Variants in GLRB observed in about 807,000 individuals in gnomAD.
GLRB encodes glycine receptor subunit beta.
GLRB carries 33 observed loss-of-function variants against 54.2 expected under a neutral mutation model. That is an observed-to-expected ratio of 0.61 (90% CI 0.46 to 0.81). The LOEUF (loss-of-function observed/expected upper bound fraction) is 0.81. Ranked by LOEUF, GLRB falls within the 40% of genes least tolerant of loss-of-function variation. The pLI is 0.00. For missense variants in GLRB, 572 were observed against 584.6 expected (o/e 0.98, Z 0.22); for synonymous variants, 209 against 208.2 (o/e 1.00, Z -0.03).
intron 6 of GLRB, among the ~76,000 whole-genome samples, chr4:157,138,091 A>T (rs1736471157): frequency 6.6e-6 from 1 of 152,082 alleles, no homozygotes; most frequent in Admixed American, 6.5e-5. Context: ...TTATTTTTTA[A>T]AACAGAGTCT....
intron 9 of GLRB, among the ~76,000 whole-genome samples, chr4:157,154,257 A>G (rs1345748697): frequency 1.3e-5 from 2 of 152,122 alleles, no homozygotes; most frequent in Non-Finnish European, 1.5e-5. Context: ...TAGACAACAT[A>G]TAGTTGGTGT....
chr4:157,102,006 A>G (rs778273702), intron 2 of GLRB, among the ~76,000 whole-genome samples: 1 of 152,190 alleles, frequency 6.6e-6, no homozygotes, highest in Non-Finnish European at 1.5e-5. Context: ...TTTTCAAGTA[A>G]TAGCTATGCA....
intron 2 of GLRB, among the ~76,000 whole-genome samples, chr4:157,087,399 A>G (rs948181401): frequency 1.3e-5 from 2 of 152,108 alleles, no homozygotes; most frequent in Non-Finnish European, 2.9e-5. Context: ...TCTCATTTGT[A>G]TAGTGAAAAG....
At chr4:157,153,045 C>A (rs1480424055) in intron 9 of GLRB, 35 bp downstream of exon 9, 1 of 1,535,896 alleles carries the variant, frequency 6.5e-7, no homozygotes, top group Non-Finnish European at 9.0e-7. Flanking sequence ...ATCATTTCCC[C>A]CAACCACTTC....
chr4:157,118,861 C>A (rs970547519), intron 2 of GLRB, among the ~76,000 whole-genome samples: 3 of 151,490 alleles, frequency 2.0e-5, no homozygotes, highest in Non-Finnish European at 3.0e-5. Flanking sequence ...TTTACCATAT[C>A]AACACAGAAA....
chr4:157,084,021 G>C (rs1005493875), intron 2 of GLRB, among the ~76,000 whole-genome samples: 1 of 152,056 alleles, frequency 6.6e-6, no homozygotes, highest in African/African-American at 2.4e-5. Flanking sequence ...ATTTATATTT[G>C]TAGGTACATC....
chr4:157,076,589 G>A (rs1489448404), intron 1 of GLRB: 1 of 152,186 alleles, frequency 6.6e-6, no homozygotes, highest in Non-Finnish European at 1.5e-5. Flanking sequence ...TGGCCAGGAG[G>A]GCTCCTTGCG....
At position 157,152,980 on chromosome 4, in the gene GLRB, A is replaced by G. The variant is rs1737084662; in HGVS notation, c.1167A>G (p.Thr389=). ...CTAAAAAGAATACTGTGAATGGAACAGGGACTCCTGTTCATATTAGCACTT... is the reference window on the plus strand; with the variant it reads ...CTAAAAAGAATACTGTGAATGGAACGGGGACTCCTGTTCATATTAGCACTT... ...NVAKKNTVNG[T]GTPVHISTLQ... is the part of the protein sequence containing the mutation. The change falls in exon 9 of 10, where the codon ACA becomes ACG. Residue 389 remains threonine (T), a synonymous_variant. Transcript: ENST00000264428. The G allele has an allele frequency of 2.5e-6, 4 of 1,613,826 alleles. No homozygotes were observed. The highest frequency in any genetic ancestry group is 2.5e-6 in the Non-Finnish European group (3 of 1,179,858).
rs868097591 is a variant in GLRB, at chr4:157,098,965, G to T, written c.122+20819G>T. 5.3e-5 allele frequency among the ~76,000 whole-genome samples: 8 copies of T among 152,218 alleles called. No homozygotes were observed. The South Asian group carries it at 1.7e-3, about 32-fold the overall frequency. ...TTCCGGTGACTGCTTAACCTCAGGG[G>T]CAGGAGAAAATTGAGGGACATGTAG... On this transcript the variant is annotated intron_variant, in intron 2 of 9. Transcript: ENST00000264428.
At position 157,111,829 on chromosome 4, in the gene GLRB, G is replaced by GA. The variant is rs1310740732; in HGVS notation, c.123-8720dup. Among the ~76,000 whole-genome samples, 7 of 151,738 alleles carry GA rather than the reference G, an allele frequency of 4.6e-5. No individual in the cohort carries two copies. The East Asian group carries it at 7.8e-4, about 17-fold the overall frequency. On this transcript the variant is annotated intron_variant, in intron 2 of 9. Coordinates refer to ENST00000264428, the MANE Select transcript of GLRB (RefSeq NM_000824.5). Reference sequence around the variant, plus strand: ...CTCCAATCTAGCCTCTTTCTCAACTGAAAAAAAGTTCTTTCTTTTGCTGAA... The same window carrying GA: ...CTCCAATCTAGCCTCTTTCTCAACTGAAAAAAAAGTTCTTTCTTTTGCTGAA...
At chr4:157,156,830 T>G (rs1270846367) in intron 9 of GLRB, among the ~76,000 whole-genome samples, 2 of 152,196 alleles carry the variant, frequency 1.3e-5, no homozygotes, top group Non-Finnish European at 1.5e-5. Flanking sequence ...TCTTTCCCAG[T>G]TTTTTGTATG....
intron 1 of GLRB, among the ~76,000 whole-genome samples, chr4:157,077,428 G>A (rs1259349629): frequency 2.6e-5 from 4 of 151,956 alleles, no homozygotes; most frequent in Admixed American, 2.0e-4. Context: ...AATAAAAAAA[G>A]CAATGAATTT....
intron 2 of GLRB, among the ~76,000 whole-genome samples, chr4:157,104,661 T>C (rs956590808): frequency 5.9e-5 from 9 of 152,200 alleles, no homozygotes; most frequent in African/African-American, 2.2e-4. Flanking sequence ...TTTGATTGAA[T>C]TTGCCAGTGA....
intron 4 of GLRB, among the ~76,000 whole-genome samples, chr4:157,123,856 A>T (rs1168067304): frequency 6.6e-6 from 1 of 151,732 alleles, no homozygotes; most frequent in African/African-American, 2.4e-5. Context: ...GTCTTATAGG[A>T]AACATCCCCA....
At chr4:157,137,718 A>C (rs1275606205) in intron 6 of GLRB, among the ~76,000 whole-genome samples, 1 of 152,164 alleles carries the variant, frequency 6.6e-6, no homozygotes, top group African/African-American at 2.4e-5. Flanking sequence ...GAGATTTTGC[A>C]CATGTATGTG....
rs191620753 is a variant in GLRB at position 157,112,679 on chromosome 4, A to T, written c.123-7877A>T. ...GTCCATGCCATTGGGAACTCTGAAG[A>T]TGGGATGGCCCTTCAGGGTTGTCTT... On this transcript the variant is annotated intron_variant, in intron 2 of 9. Transcript: ENST00000264428. Among the ~76,000 whole-genome samples the T allele has an allele frequency of 3.9e-5, 6 of 152,052 alleles. No homozygotes were observed. The East Asian group carries it at 1.2e-3, about 30-fold the overall frequency.
intron 5 of GLRB, 31 bp from the exon 6 acceptor site, chr4:157,136,773 A>C: frequency 6.5e-7 from 1 of 1,531,002 alleles, no homozygotes; most frequent in Non-Finnish European, 9.1e-7. Flanking sequence ...AAGTATATTA[A>C]ATTATTTCTA....
In GLRB at chr4:157,106,838, G is replaced by T. The variant is rs191148231; in HGVS notation, c.123-13718G>T. 5.0e-4 allele frequency among the ~76,000 whole-genome samples: 76 copies of T among 152,082 alleles called. 1 individual carries two copies. Among genetic ancestry groups the T allele is most frequent in the Admixed American group, 1.8e-3 (27 of 15,260 alleles). On this transcript the variant is annotated intron_variant, in intron 2 of 9. Transcript: ENST00000264428. Reference sequence around the variant, plus strand: ...CTAAGACTTCTCAGCCTCTTTAATTGAGTCAGCCAATACCACTATTAAATC... The same window carrying T: ...CTAAGACTTCTCAGCCTCTTTAATTTAGTCAGCCAATACCACTATTAAATC...
chr4:157,078,150 T>C lies in GLRB; in HGVS notation c.122+4T>C. ...AGAAGCAGTATCTATGCCCATCGTA[T>C]GTTCTTCATGTCTTATATTCTTATA... On this transcript the variant is annotated splice_donor_region_variant and intron_variant, in intron 2 of 9. Coordinates refer to ENST00000264428, the MANE Select transcript of GLRB (RefSeq NM_000824.5). 6.2e-7 allele frequency: 1 copy of C among 1,612,300 alleles called. No individual in the cohort carries two copies. Among genetic ancestry groups the C allele is most frequent in the African/African-American group, 1.3e-5 (1 of 75,030 alleles).
Sources: allele counts gnomAD v4.1 joint callset (sites outside exome capture counted in the v4.1 genomes callset), GRCh38; gene constraint gnomAD v4.1.1; transcripts MANE v1.5; gene names NCBI Gene and HGNC (gene_info 2026-07-23, HGNC 2026-07-21).